CNTNAP2: variants seen among roughly 807,000 people sequenced by gnomAD.
CNTNAP2 encodes contactin associated protein 2.
A neutral mutation model predicts 155.2 loss-of-function variants in CNTNAP2; 98 were observed. That is an observed-to-expected ratio of 0.63 (90% CI 0.54 to 0.75). CNTNAP2 has a LOEUF of 0.75. Ranked by LOEUF, CNTNAP2 falls within the 30% of genes least tolerant of loss-of-function variation. CNTNAP2 has a pLI of 0.00. For missense variants in CNTNAP2, 1,727 were observed against 1,688.1 expected (o/e 1.02, Z -0.40); for synonymous variants, 651 against 631.2 (o/e 1.03, Z -0.47).
intron 13 of CNTNAP2, among the ~76,000 whole-genome samples, chr7:147,738,510 A>G (rs1443331958): frequency 6.6e-6 from 1 of 152,242 alleles, no homozygotes; most frequent in Admixed American, 6.5e-5. Flanking sequence ...TTCACTAGGA[A>G]AATGTTTCCA....
chr7:148,166,171 AAC>A (rs1805654681), intron 17 of CNTNAP2, among the ~76,000 whole-genome samples: 1 of 151,994 alleles, frequency 6.6e-6, no homozygotes, highest in African/African-American at 2.4e-5. Context: ...ACCACCTTCT[AAC>A]ACACAGTATA....
rs747615691 is a variant in CNTNAP2 at position 147,197,845 on chromosome 7, T to A, written c.1348+65336T>A. ...CTAAGATGTTGAGGTAATTCAGTAT[T>A]CTTTCAGTAACTTTTGTTTTTTCTT... On this transcript the variant is annotated intron_variant, in intron 8 of 23. Transcript: ENST00000361727. 2.0e-5 allele frequency among the ~76,000 whole-genome samples: 3 copies of A among 152,242 alleles called. No homozygotes were observed. In the East Asian group the frequency reaches 5.8e-4, roughly 29 times the overall value.
chr7:147,148,833 T>C (rs1258408329), intron 8 of CNTNAP2, among the ~76,000 whole-genome samples: 1 of 152,190 alleles, frequency 6.6e-6, no homozygotes, highest in Non-Finnish European at 1.5e-5. Flanking sequence ...TTACAGCTCT[T>C]AAAGCTGGTG....
chr7:147,048,395 C>T (rs1799409581), intron 4 of CNTNAP2, among the ~76,000 whole-genome samples: 1 of 152,110 alleles, frequency 6.6e-6, no homozygotes, highest in Non-Finnish European at 1.5e-5. Context: ...TGTGATCTTG[C>T]CAACACATCG....
At chr7:146,128,247 A>G (rs775386945) in intron 1 of CNTNAP2, among the ~76,000 whole-genome samples, 2 of 152,174 alleles carry the variant, frequency 1.3e-5, no homozygotes, top group Non-Finnish European at 2.9e-5. Flanking sequence ...ATGTTTCATC[A>G]TATTAGGTAC....
chr7:146,962,491 G>T lies in CNTNAP2; in HGVS notation c.403-81416G>T, dbSNP rs572410292. 2.3e-4 allele frequency among the ~76,000 whole-genome samples: 35 copies of T among 152,316 alleles called. No homozygotes were observed. In the South Asian group the frequency reaches 6.8e-3, roughly 30 times the overall value. On this transcript the variant is annotated intron_variant, in intron 3 of 23. Transcript: ENST00000361727. ...TTTTAACCCACTTTGGGTAAAATAT[G>T]ACATTGAACTAAGAGACAAAAAACT...
chr7:147,664,400 G>C (rs73741215), intron 13 of CNTNAP2, among the ~76,000 whole-genome samples: 30,274 of 152,040 alleles, frequency 0.2, 3,389 homozygotes, highest in Middle Eastern at 0.31. Context: ...GGTATGCAAG[G>C]TCTTACATAA....
At chr7:147,507,408 C>CACCCTTCA (rs748224986) in intron 11 of CNTNAP2, among the ~76,000 whole-genome samples, 18 of 152,082 alleles carry the variant, frequency 1.2e-4, no homozygotes, top group Non-Finnish European at 2.5e-4. Flanking sequence ...CACACCAGTC[C>CACCCTTCA]ACCCTTCAAC....
intron 5 of CNTNAP2, among the ~76,000 whole-genome samples, chr7:147,119,561 G>C (rs140403236): frequency 6.6e-6 from 1 of 152,062 alleles, no homozygotes; most frequent in Non-Finnish European, 1.5e-5. Context: ...TCCTCCTCTT[G>C]TCCCTCTCCT....
chr7:146,335,559 T>C (rs2129095611), intron 1 of CNTNAP2, among the ~76,000 whole-genome samples: 1 of 152,328 alleles, frequency 6.6e-6, no homozygotes, highest in East Asian at 1.9e-4. Context: ...TGAGAGCTAC[T>C]GGAGAATCTC....
At chr7:147,459,129 A>C (rs1797972426) in intron 10 of CNTNAP2, among the ~76,000 whole-genome samples, 1 of 152,230 alleles carries the variant, frequency 6.6e-6, no homozygotes. Flanking sequence ...ATTGTTGAAC[A>C]CTTAAAATAT....
intron 1 of CNTNAP2, among the ~76,000 whole-genome samples, chr7:146,617,064 G>T (rs537818776): frequency 6.6e-6 from 1 of 152,142 alleles, no homozygotes; most frequent in African/African-American, 2.4e-5. Context: ...CTGTCGCCCA[G>T]GCTGGAGTGC....
chr7:148,012,729 T>C (rs1802103276), intron 15 of CNTNAP2, among the ~76,000 whole-genome samples: 1 of 152,210 alleles, frequency 6.6e-6, no homozygotes. Context: ...TTATCAAGAA[T>C]TAATTAAGCT....
At chr7:147,047,368 A>T (rs745807137) in intron 4 of CNTNAP2, among the ~76,000 whole-genome samples, 4 of 145,694 alleles carry the variant, frequency 2.7e-5, no homozygotes, top group Non-Finnish European at 6.0e-5. Context: ...TGATCCGCCC[A>T]CCTGGGCTTG....
At chr7:146,285,978 CTGTGTGTGTGTGTGTGTGTG>C (rs540809295) in intron 1 of CNTNAP2, among the ~76,000 whole-genome samples, 18 of 33,706 alleles carry the variant, frequency 5.3e-4, no homozygotes, top group African/African-American at 3.6e-3. Context: ...CCTTCCTTCT[CTGTGTGTGTGTGTGTGTGTG>C]TGTGTGTGTG....
At chr7:147,061,970 T>G (rs1207786078) in intron 4 of CNTNAP2, among the ~76,000 whole-genome samples, 2 of 151,106 alleles carry the variant, frequency 1.3e-5, no homozygotes, top group Non-Finnish European at 3.0e-5. Flanking sequence ...CTACTAAAAA[T>G]ACAAAAATTT....
chr7:146,901,785 T>C (rs1490098377), intron 3 of CNTNAP2, among the ~76,000 whole-genome samples: 1 of 152,160 alleles, frequency 6.6e-6, no homozygotes, highest in East Asian at 1.9e-4. Context: ...GTATTGTTTA[T>C]TCTTCTACTT....
intron 1 of CNTNAP2, among the ~76,000 whole-genome samples, chr7:146,263,045 G>T (rs1471661312): frequency 2.0e-5 from 3 of 152,148 alleles, no homozygotes; most frequent in Non-Finnish European, 2.9e-5. Flanking sequence ...TTGGCCAGGC[G>T]TGGTGGCTCA....
intron 9 of CNTNAP2, among the ~76,000 whole-genome samples, chr7:147,317,800 A>ATATGTGTATATATGTG (rs71182193): frequency 0.27 from 40,799 of 148,412 alleles, 5,844 homozygotes; most frequent in Non-Finnish European, 0.29. Context: ...GTGTGTGTGT[A>ATATGTGTATATATGTG]TATGTATATA....
Sources: gnomAD v4.1 joint callset for allele counts (sites outside exome capture counted in the v4.1 genomes callset) on GRCh38, gnomAD v4.1.1 for gene constraint, MANE v1.5 for transcripts, NCBI Gene and HGNC (gene_info 2026-07-23, HGNC 2026-07-21) for gene names.